Variants in FSTL4 observed in about 807,000 individuals in gnomAD.
FSTL4 encodes the protein follistatin like 4, also known as follistatin-related protein 4.
In FSTL4, 28 loss-of-function variants were observed where a neutral mutation model predicts 78.2. The observed-to-expected ratio is 0.36, with a 90% CI of 0.27 to 0.49. FSTL4 has a LOEUF of 0.49. Among genes scored for constraint, FSTL4 ranks in the 20% least tolerant of loss-of-function variants. The pLI is 0.98. For synonymous variants in FSTL4, 422 were observed against 440.5 expected (o/e 0.96, Z 0.53); for missense variants, 922 against 1,084.9 (o/e 0.85, Z 2.11).
chr5:133,827,304 G>T, the FSTL4 span, among the ~76,000 whole-genome samples: 1 of 152,142 alleles, frequency 6.6e-6, no homozygotes, highest in African/African-American at 2.4e-5. Flanking sequence ...GTAATGAATC[G>T]TTCAACCATG....
rs967696733 is a variant in FSTL4, at chr5:133,197,031, C to T, written c.*2064G>A. ...GAAGCAGGTGCTGCAGAAGTTGACT[C>T]TGTCACTCCTGATTATTTTAAAAGG... On this transcript the variant is annotated 3_prime_UTR_variant, in exon 16 of 16. Coordinates refer to ENST00000265342, the MANE Select transcript of FSTL4 (RefSeq NM_015082.2). 1 of 152,210 alleles carries T rather than the reference C, an allele frequency of 6.6e-6. No homozygotes were observed. The highest frequency in any genetic ancestry group is 1.9e-4 in the East Asian group (1 of 5,186). The allele number at this position is 152,210 out of a possible 1,614,324, so 9.4% of individuals were successfully genotyped here.
At chr5:133,400,232 G>T (rs1466779246) in intron 4 of FSTL4, among the ~76,000 whole-genome samples, 1 of 152,188 alleles carries the variant, frequency 6.6e-6, no homozygotes, top group Non-Finnish European at 1.5e-5. Context: ...CTTGCTCAGA[G>T]GTGTTCTGGA....
chr5:133,265,901 G>A (rs1416457869), intron 6 of FSTL4, among the ~76,000 whole-genome samples: 3 of 152,168 alleles, frequency 2.0e-5, no homozygotes, highest in African/African-American at 7.2e-5. Context: ...TGTGCTGAGT[G>A]TGGTTGGGAC....
the FSTL4 span, among the ~76,000 whole-genome samples, chr5:133,728,338 T>C: frequency 0.33 from 49,671 of 152,146 alleles, 8,762 homozygotes; most frequent in African/African-American, 0.46. Flanking sequence ...AGAGCTGCCA[T>C]GTATCCCAGT....
At chr5:133,317,775 G>C (rs894735292) in intron 4 of FSTL4, among the ~76,000 whole-genome samples, 1 of 152,182 alleles carries the variant, frequency 6.6e-6, no homozygotes, top group Admixed American at 6.5e-5. Flanking sequence ...GGGTTGTTAC[G>C]AGGATTAAGT....
chr5:133,322,128 A>G (rs1183275400), intron 4 of FSTL4, among the ~76,000 whole-genome samples: 1 of 151,922 alleles, frequency 6.6e-6, no homozygotes, highest in African/African-American at 2.4e-5. Flanking sequence ...CTATGCTCTG[A>G]ACACAGCTGC....
chr5:133,524,701 C>G lies in FSTL4; in HGVS notation c.160+42485G>C, dbSNP rs567392879. On this transcript the variant is annotated intron_variant, in intron 3 of 15. Transcript: ENST00000265342. ...CCACCCCGCCCCTGGGTGGGTTGTA[C>G]AATACTGCAGTGATTCAAACGTATA... Among the ~76,000 whole-genome samples the G allele has an allele frequency of 2.6e-5, 4 of 152,276 alleles. No individual in the cohort carries two copies. In the East Asian group the frequency reaches 7.7e-4, roughly 29 times the overall value.
Position 133,360,145 on chromosome 5 carries a change from T to G in FSTL4, c.409+40593A>C, listed in dbSNP as rs138195882. Among the ~76,000 whole-genome samples, 275 of 152,360 alleles carry G rather than the reference T, an allele frequency of 1.8e-3. 1 individual carries two copies. Among genetic ancestry groups the G allele is most frequent in the African/African-American group, 6.2e-3 (256 of 41,580 alleles). On this transcript the variant is annotated intron_variant, in intron 4 of 15. Coordinates refer to ENST00000265342, the MANE Select transcript of FSTL4 (RefSeq NM_015082.2). ...GGAACACACCCTGTCCCTCTCCTCTTCGTCCCCAATCGGGTACCTATAAAG... is the reference window on the plus strand; with the variant it reads ...GGAACACACCCTGTCCCTCTCCTCTGCGTCCCCAATCGGGTACCTATAAAG...
intron 15 of FSTL4, among the ~76,000 whole-genome samples, chr5:133,200,350 G>A (rs940537970): frequency 1.3e-5 from 2 of 152,266 alleles, no homozygotes; most frequent in African/African-American, 4.8e-5. Flanking sequence ...ACATGTAGGG[G>A]CAGTCTCTTC....
the FSTL4 span, among the ~76,000 whole-genome samples, chr5:133,653,862 A>G: frequency 3.3e-5 from 5 of 152,226 alleles, no homozygotes; most frequent in African/African-American, 1.2e-4. Flanking sequence ...GAGAGACTGC[A>G]CCGGGCTGCA....
At chr5:133,796,859 G>T in the FSTL4 span, among the ~76,000 whole-genome samples, 1 of 152,120 alleles carries the variant, frequency 6.6e-6, no homozygotes. Flanking sequence ...CCAGGGAATC[G>T]CCCTGGGTAG....
At chr5:133,306,315 C>G (rs1753654631) in intron 6 of FSTL4, among the ~76,000 whole-genome samples, 1 of 152,222 alleles carries the variant, frequency 6.6e-6, no homozygotes, top group Non-Finnish European at 1.5e-5. Flanking sequence ...AGCGAGAGCC[C>G]TCCTCTGCAT....
chr5:133,271,526 G>GC (rs1405808586), intron 6 of FSTL4, among the ~76,000 whole-genome samples: 1 of 152,112 alleles, frequency 6.6e-6, no homozygotes, highest in Non-Finnish European at 1.5e-5. Flanking sequence ...AGCCTTTCCT[G>GC]CCCCCCACCG....
At chr5:133,695,770 C>G in the FSTL4 span, among the ~76,000 whole-genome samples, 3 of 152,294 alleles carry the variant, frequency 2.0e-5, no homozygotes, top group African/African-American at 7.2e-5. Context: ...AGGCAACCCC[C>G]TCCCCTCCCT....
the FSTL4 span, among the ~76,000 whole-genome samples, chr5:133,768,327 C>T: frequency 1.3e-5 from 2 of 152,204 alleles, no homozygotes; most frequent in Non-Finnish European, 2.9e-5. Flanking sequence ...CAACCACCAC[C>T]ACCGGAAGTG....
the FSTL4 span, among the ~76,000 whole-genome samples, chr5:133,837,253 T>C: frequency 1.3e-5 from 2 of 152,136 alleles, no homozygotes; most frequent in Non-Finnish European, 2.9e-5. Flanking sequence ...GATTTCTCAA[T>C]TCTCAAATTT....
chr5:133,439,546 C>T (rs984126654), intron 3 of FSTL4, among the ~76,000 whole-genome samples: 6 of 152,182 alleles, frequency 3.9e-5, no homozygotes, highest in Non-Finnish European at 8.8e-5. Context: ...CTTAAGAAAA[C>T]GCCTTGCCTT....
chr5:133,357,536 G>A (rs1047526091), intron 4 of FSTL4, among the ~76,000 whole-genome samples: 1 of 152,294 alleles, frequency 6.6e-6, no homozygotes, highest in Admixed American at 6.5e-5. Flanking sequence ...CAGTTTAGAA[G>A]GGGCTGATTT....
chr5:133,819,420 T>C, the FSTL4 span, among the ~76,000 whole-genome samples: 1 of 152,174 alleles, frequency 6.6e-6, no homozygotes, highest in African/African-American at 2.4e-5. Flanking sequence ...CTGAGAAGCA[T>C]GGAGGTGTCA....
Sources: allele counts gnomAD v4.1 joint callset (sites outside exome capture counted in the v4.1 genomes callset), GRCh38; gene constraint gnomAD v4.1.1; transcripts MANE v1.5; gene names NCBI Gene and HGNC (gene_info 2026-07-23, HGNC 2026-07-21).